Variants in FBXO30 observed in about 807,000 individuals in gnomAD.
FBXO30 encodes F-box protein 30.
In FBXO30, 21 loss-of-function variants were observed where a neutral mutation model predicts 58.1. That is an observed-to-expected ratio of 0.36 (90% confidence interval 0.26 to 0.52). The LOEUF is 0.52. Among genes scored for constraint, FBXO30 ranks in the 20% least tolerant of loss-of-function variants. FBXO30 has a pLI of 0.93. For missense variants in FBXO30, 744 were observed against 897.3 expected, an observed-to-expected ratio of 0.83 and a Z score of 2.18; for synonymous variants, 309 against 312.4, an observed-to-expected ratio of 0.99 and a Z score of 0.11.
chr6:145,806,119 C>T lies in FBXO30; in HGVS notation c.287G>A (p.Arg96Gln), dbSNP rs147203065. 5.8e-5 allele frequency: 93 copies of T among 1,613,928 alleles called. No individual in the cohort carries two copies. Among genetic ancestry groups the T allele is most frequent in the Non-Finnish European group, 5.8e-5 (68 of 1,179,998 alleles). ...CCGGTCTGCATAACTAACTGGCCAT[C>T]GATTCCATTCCATAGTACAGCACAC... Reference protein sequence around the residue: ...SVVCCTMEWNRWPVSYADRKS... With the variant: ...SVVCCTMEWNQWPVSYADRKS... The change falls in exon 2 of 3, where the codon CGA becomes CAA. Residue 96 changes from arginine to glutamine, a missense_variant. Arg to Gln is a conservative substitution (Grantham distance 43). Coordinates refer to ENST00000237281, the MANE Select transcript of FBXO30 (RefSeq NM_032145.5).
At chr6:145,801,070 A>G (rs1331118961) in intron 2 of FBXO30, among the ~76,000 whole-genome samples, 1 of 152,084 alleles carries the variant, frequency 6.6e-6, no homozygotes, top group Non-Finnish European at 1.5e-5. Context: ...TCAAATTATT[A>G]GTCCAGCAAA....
In FBXO30 at chr6:145,798,810, CAG is replaced by C. The variant is rs1777917542; in HGVS notation, c.*1294_*1295del. ...ACAAATGTAGGAAGAGAGGACACAACAGAGTTTTCACAATTTTAACAAGTAAT... is the reference window on the plus strand; with the variant it reads ...ACAAATGTAGGAAGAGAGGACACAACAGTTTTCACAATTTTAACAAGTAAT... On this transcript the variant is annotated 3_prime_UTR_variant, in exon 3 of 3. Transcript: ENST00000237281. 6.6e-6 allele frequency: 1 copy of C among 152,044 alleles called. No homozygotes were observed. The highest frequency in any genetic ancestry group is 2.1e-4 in the South Asian group (1 of 4,834). The allele number at this position is 152,044 out of a possible 1,614,324, so 9.4% of individuals were successfully genotyped here.
chr6:145,798,733 G>A lies in FBXO30; in HGVS notation c.*1373C>T, dbSNP rs1777915547. The A allele has an allele frequency of 6.6e-6, 1 of 152,096 alleles. No homozygotes were observed. Among genetic ancestry groups the A allele is most frequent in the South Asian group, 2.1e-4 (1 of 4,826 alleles). The allele number at this position is 152,096 out of a possible 1,614,324, so 9.4% of individuals were successfully genotyped here. On this transcript the variant is annotated 3_prime_UTR_variant, in exon 3 of 3. Transcript: ENST00000237281. ...TAATGCTTAAGGAACGCCTCTGCCT[G>A]ATTGCCATATAAGGGAATCAAGAAC...
chr6:145,808,950 AC>A (rs1778259000), intron 1 of FBXO30, among the ~76,000 whole-genome samples: 2 of 152,204 alleles, frequency 1.3e-5, no homozygotes, highest in South Asian at 4.1e-4. Flanking sequence ...ACAAAAGTGT[AC>A]CTGAATCATC....
At chr6:145,809,597 A>T (rs1401333765) in intron 1 of FBXO30, among the ~76,000 whole-genome samples, 1 of 152,250 alleles carries the variant, frequency 6.6e-6, no homozygotes, top group Non-Finnish European at 1.5e-5. Flanking sequence ...AAAGTAGTCA[A>T]GCTTCAAACA....
At position 145,793,878 on chromosome 6, in the gene FBXO30, T is replaced by A. The variant is rs977273858; in HGVS notation, c.*6228A>T. ...TTGTCATGTTACTAATGCTATAAAT[T>A]AATTCTAAACCACGGTTTGGGCATT... is the stretch of plus-strand genomic sequence containing the variant. On this transcript the variant is annotated 3_prime_UTR_variant, in exon 3 of 3. Transcript: ENST00000237281. The A allele has an allele frequency of 1.3e-5, 2 of 152,090 alleles. No homozygotes were observed. The highest frequency in any genetic ancestry group is 4.8e-5 in the African/African-American group (2 of 41,454). 9.4% of individuals were successfully genotyped at this position (152,090 alleles called of 1,614,324 possible).
intron 1 of FBXO30, among the ~76,000 whole-genome samples, chr6:145,810,714 T>C (rs1778309518): frequency 6.6e-6 from 1 of 152,144 alleles, no homozygotes; most frequent in South Asian, 2.1e-4. Flanking sequence ...TATATTGCCC[T>C]CAAAAAAGCA....
chr6:145,793,555 T>C lies in FBXO30; in HGVS notation c.*6551A>G, dbSNP rs1777810585. The C allele has an allele frequency of 2.0e-5, 3 of 152,062 alleles. No homozygotes were observed. The South Asian group carries it at 6.2e-4, about 31-fold the overall frequency. The allele number at this position is 152,062 out of a possible 1,614,324, so 9.4% of individuals were successfully genotyped here. A position where few individuals can be genotyped will look rare whatever the true frequency, so the allele number is the denominator to read the frequency against. On this transcript the variant is annotated 3_prime_UTR_variant, in exon 3 of 3. Transcript: ENST00000237281. ...ACTCTAATACAACAAGTTGCATTTGTTCTTTAAAAGAAACAAAGTATAAAA... is the reference window on the plus strand; with the variant it reads ...ACTCTAATACAACAAGTTGCATTTGCTCTTTAAAAGAAACAAAGTATAAAA...
In FBXO30 at chr6:145,793,752, A is replaced by G. The variant is rs963505599; in HGVS notation, c.*6354T>C. The G allele has an allele frequency of 3.9e-5, 6 of 152,070 alleles. No individual in the cohort carries two copies. The highest frequency in any genetic ancestry group is 1.2e-4 in the African/African-American group (5 of 41,460). The allele number at this position is 152,070 out of a possible 1,614,324, so 9.4% of individuals were successfully genotyped here. The stretch of plus-strand genomic sequence containing the variant: ...TCACTCAGTCACAGAAGTTTTAAAT[A>G]TAAGGAAATTTTGATGAATTACAGC... On this transcript the variant is annotated 3_prime_UTR_variant, in exon 3 of 3. Transcript: ENST00000237281.
chr6:145,807,472 G>A (rs1027486900), intron 1 of FBXO30, among the ~76,000 whole-genome samples: 3 of 152,198 alleles, frequency 2.0e-5, no homozygotes, highest in Admixed American at 6.5e-5. Flanking sequence ...GATCACAGGG[G>A]AAAATGCCAG....
intron 1 of FBXO30, among the ~76,000 whole-genome samples, chr6:145,809,560 AC>A (rs1333874731): frequency 6.6e-6 from 1 of 152,198 alleles, no homozygotes; most frequent in Non-Finnish European, 1.5e-5. Flanking sequence ...AAAAGCAAAA[AC>A]AGCAATAATT....
At position 145,805,160 on chromosome 6, in the gene FBXO30, C is replaced by T; in HGVS notation, c.1246G>A (p.Asp416Asn). 1 of 1,614,074 alleles carries T rather than the reference C, an allele frequency of 6.2e-7. No individual in the cohort carries two copies. The change falls in exon 2 of 3, where the codon GAT becomes AAT. Residue 416 changes from aspartate (D) to asparagine (N), a missense_variant. Asp to Asn is a conservative substitution (Grantham distance 23). Transcript: ENST00000237281. ...TCTATTCCTTGGAGGCCCATAGGATCTTCTGCAACTTCCAAATCTGATGTA... is the reference window on the plus strand; with the variant it reads ...TCTATTCCTTGGAGGCCCATAGGATTTTCTGCAACTTCCAAATCTGATGTA... ...VDTSDLEVAE[D>N]PMGLQGIDLI...
Position 145,800,089 on chromosome 6 carries a change from T to C in FBXO30, c.*17A>G. The stretch of plus-strand genomic sequence containing the variant: ...ATACTAGGTGCTTGCATATATGTGC[T>C]AGTAATATTACAACTTTTAAAGTAC... On this transcript the variant is annotated 3_prime_UTR_variant, in exon 3 of 3. Coordinates refer to ENST00000237281, the MANE Select transcript of FBXO30 (RefSeq NM_032145.5). 6.3e-7 allele frequency: 1 copy of C among 1,589,240 alleles called. No homozygotes were observed.
chr6:145,800,576 T>C (rs945696874), intron 2 of FBXO30, among the ~76,000 whole-genome samples: 2 of 152,146 alleles, frequency 1.3e-5, no homozygotes, highest in African/African-American at 4.8e-5. Flanking sequence ...ACACCCAATC[T>C]GGCTTACTAA....
In FBXO30 at chr6:145,806,182, T is replaced by C. The variant is rs751039303; in HGVS notation, c.224A>G (p.Lys75Arg). The C allele has an allele frequency of 4.3e-6, 7 of 1,614,128 alleles. No homozygotes were observed. In the South Asian group the frequency reaches 7.7e-5, roughly 18 times the overall value. The change falls in exon 2 of 3, where the codon AAA becomes AGA. Residue 75 changes from lysine (K) to arginine (R), a missense_variant. Physicochemically the swap from Lys to Arg is conservative, Grantham distance 26 (BLOSUM62 2). Transcript: ENST00000237281. ...FGCPFTMARN[K>R]VAEHLEMCPA... is the part of the protein sequence containing the mutation. Reference sequence around the variant, plus strand: ...ACACATTTCTAGATGTTCAGCAACTTTATTTCGGGCCATGGTAAATGGACA... The same window carrying C: ...ACACATTTCTAGATGTTCAGCAACTCTATTTCGGGCCATGGTAAATGGACA...
chr6:145,804,291 C>A (rs1339046353), intron 2 of FBXO30, 81 bp downstream of exon 2: 22 of 1,257,474 alleles, frequency 1.7e-5, no homozygotes, highest in South Asian at 1.7e-4. Flanking sequence ...AATTTCTCAA[C>A]AAGATATTAA....
chr6:145,803,572 A>C (rs1025582074), intron 2 of FBXO30, among the ~76,000 whole-genome samples: 1 of 152,152 alleles, frequency 6.6e-6, no homozygotes, highest in Non-Finnish European at 1.5e-5. Flanking sequence ...AAATAAAAAA[A>C]CCTTCAATCA....
intron 2 of FBXO30, among the ~76,000 whole-genome samples, chr6:145,800,721 T>C (rs78564652): frequency 0.051 from 7,690 of 152,116 alleles, 653 homozygotes; most frequent in African/African-American, 0.17. Flanking sequence ...ACAATGCAAG[T>C]GTTATTTTTT....
chr6:145,796,318 T>C lies in FBXO30; in HGVS notation c.*3788A>G, dbSNP rs1244351743. On this transcript the variant is annotated 3_prime_UTR_variant, in exon 3 of 3. Coordinates refer to ENST00000237281, the MANE Select transcript of FBXO30 (RefSeq NM_032145.5). ...GTTGATCTTTTCTGAATTCGAACTT[T>C]GCTTTTTTGGAAATCAGACAAATCC... 2.0e-5 allele frequency: 3 copies of C among 152,026 alleles called. No homozygotes were observed. Among genetic ancestry groups the C allele is most frequent in the Admixed American group, 6.6e-5 (1 of 15,252 alleles). The allele number at this position is 152,026 out of a possible 1,614,324, so 9.4% of individuals were successfully genotyped here. A position where few individuals can be genotyped will look rare whatever the true frequency, so the allele number is the denominator to read the frequency against.
Sources: allele counts gnomAD v4.1 joint callset (sites outside exome capture counted in the v4.1 genomes callset), GRCh38; gene constraint gnomAD v4.1.1; transcripts MANE v1.5; gene names NCBI Gene and HGNC (gene_info 2026-07-23, HGNC 2026-07-21).